Variants in NAALADL2 observed in about 807,000 individuals in gnomAD.
NAALADL2 encodes N-acetylated alpha-linked acidic dipeptidase like 2.
Under a neutral mutation model 87.2 loss-of-function variants are expected in NAALADL2, and 76 were observed. The observed-to-expected ratio is 0.87, with a 90% CI of 0.72 to 1.05. The LOEUF is 1.05. Among genes scored for constraint, NAALADL2 ranks in the 50% least tolerant of loss-of-function variants. The pLI is 0.00. For missense variants in NAALADL2, 1,089 were observed against 945.8 expected, an observed-to-expected ratio of 1.15 and a Z score of -1.99; for synonymous variants, 354 against 331.0, an observed-to-expected ratio of 1.07 and a Z score of -0.75.
intron 2 of NAALADL2, among the ~76,000 whole-genome samples, chr3:175,216,343 A>T (rs1742518894): frequency 6.6e-6 from 1 of 152,166 alleles, no homozygotes; most frequent in Non-Finnish European, 1.5e-5. Context: ...TTAGGAAATC[A>T]GTTCAATTAC....
intron 11 of NAALADL2, among the ~76,000 whole-genome samples, chr3:175,672,127 G>A (rs1272530093): frequency 6.6e-6 from 1 of 152,126 alleles, no homozygotes; most frequent in Admixed American, 6.6e-5. Context: ...AGGAGTTGCT[G>A]AGGGAGGGAA....
intron 1 of NAALADL2, among the ~76,000 whole-genome samples, chr3:174,441,525 C>T (rs1244535134): frequency 1.3e-5 from 2 of 152,168 alleles, no homozygotes; most frequent in African/African-American, 4.8e-5. Context: ...AGCACAGTTC[C>T]GCCCCCGCGC....
At chr3:175,761,346 A>G in intron 13 of NAALADL2, among the ~76,000 whole-genome samples, 1 of 152,166 alleles carries the variant, frequency 6.6e-6, no homozygotes, top group East Asian at 1.9e-4. Context: ...TCATGTAGCA[A>G]TATGCAGTGC....
intron 2 of NAALADL2, among the ~76,000 whole-genome samples, chr3:174,667,913 A>G (rs1287804082): frequency 1.3e-5 from 2 of 152,122 alleles, no homozygotes; most frequent in Non-Finnish European, 2.9e-5. Flanking sequence ...CTCAGTTACA[A>G]TTCTACTTTT....
intron 5 of NAALADL2, among the ~76,000 whole-genome samples, chr3:175,371,676 T>C (rs1414386656): frequency 6.6e-6 from 1 of 151,238 alleles, no homozygotes; most frequent in African/African-American, 2.4e-5. Context: ...AATACAAAAA[T>C]TAGCTGGGTG....
intron 11 of NAALADL2, among the ~76,000 whole-genome samples, chr3:175,639,318 C>CTTTTTTTTTTTTTTTTTTTTT (rs756214274): frequency 9.2e-6 from 1 of 108,718 alleles, no homozygotes; most frequent in African/African-American, 4.1e-5. Context: ...AAGCGTTATT[C>CTTTTTTTTTTTTTTTTTTTTT]TTTTTTTTTT....
chr3:174,797,857 ATGT>A (rs1718328482), intron 3 of NAALADL2, among the ~76,000 whole-genome samples: 3 of 152,164 alleles, frequency 2.0e-5, no homozygotes, highest in South Asian at 4.1e-4. Context: ...TGAAGCACAA[ATGT>A]TGTAAATTTT....
chr3:174,853,175 C>A (rs1725451857), intron 3 of NAALADL2, among the ~76,000 whole-genome samples: 1 of 132,316 alleles, frequency 7.6e-6, no homozygotes, highest in Admixed American at 8.7e-5. Context: ...ACCATCCTGG[C>A]CAACATGGTG....
At chr3:174,505,045 T>TA (rs1719117470) in intron 1 of NAALADL2, among the ~76,000 whole-genome samples, 1 of 152,174 alleles carries the variant, frequency 6.6e-6, no homozygotes, top group South Asian at 2.1e-4. Flanking sequence ...GCAGCACTTT[T>TA]AAAAAACTTA....
intron 2 of NAALADL2, among the ~76,000 whole-genome samples, chr3:174,636,900 C>T: frequency 6.6e-6 from 1 of 152,034 alleles, no homozygotes; most frequent in Non-Finnish European, 1.5e-5. Flanking sequence ...TGCACAACAG[C>T]AAGGATATGA....
At chr3:174,845,536 A>G (rs950849050) in intron 3 of NAALADL2, among the ~76,000 whole-genome samples, 7 of 152,210 alleles carry the variant, frequency 4.6e-5, no homozygotes, top group African/African-American at 7.2e-5. Flanking sequence ...AGGTGCATGC[A>G]AAGCTTGACA....
chr3:174,624,262 G>T (rs1191694216), intron 2 of NAALADL2, among the ~76,000 whole-genome samples: 3 of 152,034 alleles, frequency 2.0e-5, no homozygotes, highest in African/African-American at 7.2e-5. Context: ...ATTAATTCTG[G>T]TCTTCTAAAT....
intron 13 of NAALADL2, among the ~76,000 whole-genome samples, chr3:175,755,781 T>C (rs1404778194): frequency 1.3e-5 from 2 of 152,182 alleles, no homozygotes; most frequent in African/African-American, 4.8e-5. Flanking sequence ...CCTGCAAAGA[T>C]CCCATCTAGA....
At chr3:175,021,363 A>G (rs1050613458) in intron 1 of NAALADL2, among the ~76,000 whole-genome samples, 2 of 152,088 alleles carry the variant, frequency 1.3e-5, no homozygotes, top group African/African-American at 4.8e-5. Context: ...ATATTTGAGT[A>G]AAGAAATATT....
At chr3:174,614,654 G>A (rs571280301) in intron 2 of NAALADL2, among the ~76,000 whole-genome samples, 17 of 152,168 alleles carry the variant, frequency 1.1e-4, no homozygotes, top group Non-Finnish European at 1.9e-4. Flanking sequence ...TTAAAACCAG[G>A]TACTTTGAGC....
chr3:174,949,391 G>C (rs868321288), intron 1 of NAALADL2, among the ~76,000 whole-genome samples: 1 of 152,122 alleles, frequency 6.6e-6, no homozygotes, highest in African/African-American at 2.4e-5. Context: ...CAGTTCCAAG[G>C]GGTGGGGAGG....
chr3:174,561,394 G>T, intron 2 of NAALADL2, among the ~76,000 whole-genome samples: 1 of 151,758 alleles, frequency 6.6e-6, no homozygotes, highest in East Asian at 2.0e-4. Flanking sequence ...TAGAAACAGG[G>T]TTTCACCATA....
chr3:174,959,023 G>C (rs1480315027), intron 1 of NAALADL2, among the ~76,000 whole-genome samples: 2 of 152,178 alleles, frequency 1.3e-5, no homozygotes, highest in East Asian at 3.9e-4. Flanking sequence ...TTGGTGTTTT[G>C]ATGCTGGAGA....
At chr3:175,744,185 G>A (rs1023255923) in intron 12 of NAALADL2, among the ~76,000 whole-genome samples, 1 of 152,160 alleles carries the variant, frequency 6.6e-6, no homozygotes, top group African/African-American at 2.4e-5. Flanking sequence ...ATACCTAAGC[G>A]TGTGTCATCA....
Sources: gnomAD v4.1 joint callset for allele counts (sites outside exome capture counted in the v4.1 genomes callset) on GRCh38, gnomAD v4.1.1 for gene constraint, MANE v1.5 for transcripts, NCBI Gene and HGNC (gene_info 2026-07-23, HGNC 2026-07-21) for gene names.